Variants in KIF3B observed in about 807,000 individuals in gnomAD.
KIF3B encodes kinesin-like protein KIF3B.
Under a neutral mutation model 74.3 loss-of-function variants are expected in KIF3B, and 38 were observed. The ratio of observed to expected loss-of-function variants is 0.51; its 90% CI spans 0.39 to 0.67. KIF3B has a LOEUF of 0.67. KIF3B is among the 30% of genes least tolerant of loss of function. The pLI, the probability that KIF3B is intolerant of heterozygous loss-of-function variation, is 0.00. For synonymous variants in KIF3B, 326 were observed against 342.5 expected, an observed-to-expected ratio of 0.95 and a Z score of 0.53; for missense variants, 649 against 932.0, an observed-to-expected ratio of 0.70 and a Z score of 3.95.
intron 5 of KIF3B, among the ~76,000 whole-genome samples, chr20:32,323,460 C>T (rs1466471293): frequency 2.6e-5 from 4 of 151,774 alleles, no homozygotes; most frequent in East Asian, 1.9e-4. Context: ...AGTGCAGTGG[C>T]GCGGTCTCGG....
chr20:32,331,441 C>T lies in KIF3B; in HGVS notation c.*122C>T. 2 of 727,036 alleles carry T rather than the reference C, an allele frequency of 2.8e-6. No individual in the cohort carries two copies. The highest frequency in any genetic ancestry group is 2.7e-5 in the East Asian group (1 of 37,380). 45.0% of individuals were successfully genotyped at this position (727,036 alleles called of 1,614,324 possible). ...CTGTTCCCCTGAGGAGAAGCGGTGG[C>T]CTCTTTGCAGATCAACCAACTTAAT... On this transcript the variant is annotated 3_prime_UTR_variant, in exon 9 of 9. Coordinates refer to ENST00000375712, the MANE Select transcript of KIF3B (RefSeq NM_004798.4).
chr20:32,287,408 A>G (rs925909096), intron 1 of KIF3B, among the ~76,000 whole-genome samples: 4 of 152,120 alleles, frequency 2.6e-5, no homozygotes, highest in Non-Finnish European at 5.9e-5. Context: ...CGTAACCTCC[A>G]GCTCCTGGGC....
chr20:32,327,906 G>A lies in KIF3B; in HGVS notation c.1968+245G>A, dbSNP rs139379046. ...GTTGATTCCCAGGAGTTTGAGACCA[G>A]CCTGGGCAATGTGGCGAAACCCTAA... On this transcript the variant is annotated intron_variant, in intron 7 of 8. Transcript: ENST00000375712. 5.5e-3 allele frequency among the ~76,000 whole-genome samples: 834 copies of A among 152,214 alleles called. 9 individuals carry two copies. The highest frequency in any genetic ancestry group is 0.019 in the African/African-American group (807 of 41,510).
At chr20:32,331,091 T>C in intron 8 of KIF3B, 132 bp from the exon 9 acceptor site, 1 of 713,550 alleles carries the variant, frequency 1.4e-6, no homozygotes, top group South Asian at 1.6e-5. Flanking sequence ...TGTGCCAGTG[T>C]AGTGGTTTTA....
intron 1 of KIF3B, among the ~76,000 whole-genome samples, chr20:32,290,550 G>A (rs181692404): frequency 8.0e-4 from 121 of 152,128 alleles, no homozygotes; most frequent in Non-Finnish European, 1.4e-3. Context: ...CAGCCCAAAT[G>A]TCCGTTAACA....
intron 1 of KIF3B, among the ~76,000 whole-genome samples, chr20:32,297,055 G>A (rs1426473367): frequency 6.6e-6 from 1 of 152,134 alleles, no homozygotes; most frequent in African/African-American, 2.4e-5. Context: ...AGAGAAGCCT[G>A]TCCAGGGAAT....
intron 1 of KIF3B, among the ~76,000 whole-genome samples, chr20:32,299,379 G>GTATATATATA (rs1555895040): frequency 0.019 from 430 of 22,930 alleles, 12 homozygotes; most frequent in Non-Finnish European, 0.023. Context: ...TGGTGTGTGT[G>GTATATATATA]TATATATATA....
chr20:32,309,092 C>G (rs1319690281), intron 1 of KIF3B, among the ~76,000 whole-genome samples: 2 of 152,046 alleles, frequency 1.3e-5, no homozygotes, highest in Non-Finnish European at 2.9e-5. Context: ...TTGCGGCTTA[C>G]TGTACCCTCA....
intron 5 of KIF3B, among the ~76,000 whole-genome samples, chr20:32,321,528 T>C (rs1235062297): frequency 1.3e-5 from 2 of 152,184 alleles, no homozygotes; most frequent in African/African-American, 4.8e-5. Flanking sequence ...TCTATCCTCA[T>C]GCTAGTACCA....
intron 1 of KIF3B, among the ~76,000 whole-genome samples, chr20:32,291,495 T>G (rs2047691024): frequency 6.6e-6 from 1 of 152,194 alleles, no homozygotes; most frequent in Admixed American, 6.5e-5. Context: ...TCTGAAAATA[T>G]TCTTGTTTAC....
chr20:32,294,553 C>T (rs2047707960), intron 1 of KIF3B, among the ~76,000 whole-genome samples: 1 of 152,188 alleles, frequency 6.6e-6, no homozygotes, highest in African/African-American at 2.4e-5. Context: ...ACCTGCATTT[C>T]ATGAGTATTT....
In KIF3B at chr20:32,277,779, G is replaced by A. The variant is rs2047623266; in HGVS notation, c.-66+14G>A. The A allele has an allele frequency of 4.3e-6, 1 of 230,328 alleles. No homozygotes were observed. Among genetic ancestry groups the A allele is most frequent in the Non-Finnish European group, 8.1e-6 (1 of 123,030 alleles). The allele number at this position is 230,328 out of a possible 1,614,324, so 14.3% of individuals were successfully genotyped here. A position where few individuals can be genotyped will look rare whatever the true frequency, so the allele number is the denominator to read the frequency against. On this transcript the variant is annotated intron_variant, in intron 1 of 8. Coordinates refer to ENST00000375712, the MANE Select transcript of KIF3B (RefSeq NM_004798.4). ...CTCGGGCCTCAGGTGAGTCGGAGGG[G>A]CCGGGCGCCCACCGAGCAGGGCTAA... is the stretch of plus-strand genomic sequence containing the variant.
At position 32,280,251 on chromosome 20, in the gene KIF3B, G is replaced by A. The variant is rs923303974; in HGVS notation, c.-66+2486G>A. Among the ~76,000 whole-genome samples the A allele has an allele frequency of 1.3e-5, 2 of 152,132 alleles. 1 individual carries two copies. Among genetic ancestry groups the A allele is most frequent in the South Asian group, 4.1e-4 (2 of 4,832 alleles). On this transcript the variant is annotated intron_variant, in intron 1 of 8. Coordinates refer to ENST00000375712, the MANE Select transcript of KIF3B (RefSeq NM_004798.4). ...ACGTGGTGCTTGTGCTGTATTTTCCGTGTATGGTTGGTGAAAGAATAAATT... is the reference window on the plus strand; with the variant it reads ...ACGTGGTGCTTGTGCTGTATTTTCCATGTATGGTTGGTGAAAGAATAAATT...
intron 1 of KIF3B, among the ~76,000 whole-genome samples, chr20:32,280,173 A>T (rs2047635560): frequency 6.6e-6 from 1 of 152,138 alleles, no homozygotes; most frequent in Admixed American, 6.6e-5. Context: ...AACTTAATAT[A>T]TGTGAAGTGC....
At chr20:32,324,821 G>A (rs528534133) in intron 5 of KIF3B, among the ~76,000 whole-genome samples, 97 of 152,214 alleles carry the variant, frequency 6.4e-4, no homozygotes, top group Middle Eastern at 3.4e-3. Context: ...CTGAGCTCAG[G>A]AGCTCAAGAC....
In KIF3B at chr20:32,316,788, G is replaced by A. The variant is rs769065135; in HGVS notation, c.1662G>A (p.Glu554=). The change falls in exon 5 of 9, where the codon GAG becomes GAA. Residue 554 remains glutamate (E), a synonymous_variant. Coordinates refer to ENST00000375712, the MANE Select transcript of KIF3B (RefSeq NM_004798.4). ...LFSKLQAVKA[E]IHDLQEEHIK... is the part of the protein sequence containing the mutation. ...CCAAGCTTCAGGCAGTGAAGGCTGA[G>A]ATCCATGACCTCCAAGAAGAACACA... 3 of 1,614,122 alleles carry A rather than the reference G, an allele frequency of 1.9e-6. No homozygotes were observed. Among genetic ancestry groups the A allele is most frequent in the Middle Eastern group, 3.3e-4 (2 of 6,060 alleles).
chr20:32,291,568 C>G (rs1431344318), intron 1 of KIF3B, among the ~76,000 whole-genome samples: 3 of 151,486 alleles, frequency 2.0e-5, no homozygotes, highest in Admixed American at 6.6e-5. Flanking sequence ...AAAATAATTT[C>G]TTACATTGTC....
intron 5 of KIF3B, among the ~76,000 whole-genome samples, chr20:32,318,088 G>C (rs1415167873): frequency 6.6e-6 from 1 of 152,082 alleles, no homozygotes; most frequent in East Asian, 1.9e-4. Flanking sequence ...GATCACCTGA[G>C]GCCAGGAGTT....
chr20:32,308,292 T>C (rs1159542240), intron 1 of KIF3B, among the ~76,000 whole-genome samples: 2 of 152,194 alleles, frequency 1.3e-5, no homozygotes, highest in Non-Finnish European at 2.9e-5. Flanking sequence ...GACACGATCA[T>C]AGCTCACTGC....
Sources: gnomAD v4.1 joint callset for allele counts (sites outside exome capture counted in the v4.1 genomes callset) on GRCh38, gnomAD v4.1.1 for gene constraint, MANE v1.5 for transcripts, NCBI Gene and HGNC (gene_info 2026-07-23, HGNC 2026-07-21) for gene names.